TMPRSS15: variants seen among roughly 807,000 people sequenced by gnomAD.
TMPRSS15 encodes the protein transmembrane serine protease 15.
In TMPRSS15, 128 loss-of-function variants were observed where a neutral mutation model predicts 125.3. The ratio of observed to expected loss-of-function variants is 1.02; its 90% CI spans 0.89 to 1.18. The LOEUF (loss-of-function observed/expected upper bound fraction) is 1.18. TMPRSS15 is among the 50% of genes most tolerant of loss of function. The probability of loss-of-function intolerance (pLI) is 0.00; values close to 1 mark genes in which losing one functional copy is unlikely to be tolerated. For synonymous variants in TMPRSS15, 446 were observed against 423.2 expected, an observed-to-expected ratio of 1.05 and a Z score of -0.66; for missense variants, 1,283 against 1,212.7, an observed-to-expected ratio of 1.06 and a Z score of -0.86.
intron 18 of TMPRSS15, among the ~76,000 whole-genome samples, chr21:18,307,179 A>T (rs2075047034): frequency 6.6e-6 from 1 of 152,198 alleles, no homozygotes; most frequent in African/African-American, 2.4e-5. Flanking sequence ...CACTATGGAG[A>T]CTATTTAATA....
At chr21:18,360,585 G>A (rs1251656984) in intron 7 of TMPRSS15, among the ~76,000 whole-genome samples, 1 of 152,042 alleles carries the variant, frequency 6.6e-6, no homozygotes, top group Non-Finnish European at 1.5e-5. Context: ...GCACCCTCGT[G>A]GAAGATCATT....
chr21:18,455,239 A>G, intron 1 of TMPRSS15, among the ~76,000 whole-genome samples: 1 of 152,106 alleles, frequency 6.6e-6, no homozygotes, highest in Non-Finnish European at 1.5e-5. Flanking sequence ...TTTATAAACT[A>G]CCCTGTCTTG....
intron 6 of TMPRSS15, among the ~76,000 whole-genome samples, chr21:18,371,213 T>C (rs562090762): frequency 7.5e-4 from 114 of 152,252 alleles, no homozygotes; most frequent in Non-Finnish European, 1.3e-3. Context: ...ACTAATAAAA[T>C]AGAACAATTA....
At chr21:18,404,490 T>C (rs2076131996), upstream of TMPRSS15, among the ~76,000 whole-genome samples, 1 of 152,206 alleles carries the variant, frequency 6.6e-6, no homozygotes, top group African/African-American at 2.4e-5. Flanking sequence ...TAATCATAGT[T>C]ATAGTTGTAG....
chr21:18,465,829 A>T lies in TMPRSS15; in HGVS notation c.10+19970T>A, dbSNP rs149473029. Among the ~76,000 whole-genome samples the T allele has an allele frequency of 3.6e-4, 55 of 152,358 alleles. No individual in the cohort carries two copies. In the East Asian group the frequency reaches 8.7e-3, roughly 24 times the overall value. ...AAGAATCAATATGGTGAAAATGGCCATACTGCCCAAAGTAATTTATACATG... is the reference window on the plus strand; with the variant it reads ...AAGAATCAATATGGTGAAAATGGCCTTACTGCCCAAAGTAATTTATACATG... On this transcript the variant is annotated intron_variant, in intron 1 of 7. Transcript: ENST00000422787.
intron 8 of TMPRSS15, among the ~76,000 whole-genome samples, chr21:18,357,090 C>T (rs527703008): frequency 1.3e-5 from 2 of 151,872 alleles, no homozygotes; most frequent in East Asian, 1.9e-4. Context: ...TGTTGTCTTT[C>T]TTTGAAGATG....
intron 1 of TMPRSS15, among the ~76,000 whole-genome samples, chr21:18,424,161 A>G (rs976781361): frequency 4.6e-5 from 7 of 152,230 alleles, no homozygotes; most frequent in Non-Finnish European, 7.3e-5. Flanking sequence ...TCATAGTGTT[A>G]TCTGAGGTCC....
At chr21:18,416,316 C>T (rs932525653) in intron 1 of TMPRSS15, among the ~76,000 whole-genome samples, 1 of 151,972 alleles carries the variant, frequency 6.6e-6, no homozygotes, top group South Asian at 2.1e-4. Flanking sequence ...TTTGGAACCA[C>T]AAAAGACCCA....
At position 18,285,114 on chromosome 21, in the gene TMPRSS15, G is replaced by A. The variant is rs139733139; in HGVS notation, c.2487-3893C>T. 2.4e-4 allele frequency among the ~76,000 whole-genome samples: 37 copies of A among 152,296 alleles called. No homozygotes were observed. The East Asian group carries it at 2.9e-3, about 12-fold the overall frequency. On this transcript the variant is annotated intron_variant, in intron 21 of 24. Coordinates refer to ENST00000284885, the MANE Select transcript of TMPRSS15 (RefSeq NM_002772.3). ...AGCAAGAGAAAGAGAAGCACAGCAG[G>A]TTGGAGAGGGCAGAAAAACATACAC...
chr21:18,477,808 T>C (rs866766458), intron 1 of TMPRSS15: 14 of 152,084 alleles, frequency 9.2e-5, no homozygotes, highest in South Asian at 4.1e-4. Flanking sequence ...TAATCACCCT[T>C]ACTGTAGCAA....
intron 1 of TMPRSS15, among the ~76,000 whole-genome samples, chr21:18,480,610 G>A (rs562060254): frequency 6.6e-6 from 1 of 151,934 alleles, no homozygotes; most frequent in Admixed American, 6.6e-5. Flanking sequence ...GGGTGCTCAA[G>A]ATGATGCAGA....
chr21:18,391,063 C>T (rs1024066790), intron 3 of TMPRSS15, among the ~76,000 whole-genome samples: 1 of 152,144 alleles, frequency 6.6e-6, no homozygotes, highest in Non-Finnish European at 1.5e-5. Flanking sequence ...ACCCAATCAC[C>T]TCACACCAGG....
At chr21:18,419,447 G>C (rs62215002) in intron 1 of TMPRSS15, among the ~76,000 whole-genome samples, 2 of 151,882 alleles carry the variant, frequency 1.3e-5, no homozygotes, top group Non-Finnish European at 2.9e-5. Flanking sequence ...GGATGGTCTC[G>C]ATCTCCTGAC....
At chr21:18,391,615 T>A (rs2075991138) in intron 3 of TMPRSS15, among the ~76,000 whole-genome samples, 1 of 152,156 alleles carries the variant, frequency 6.6e-6, no homozygotes, top group Non-Finnish European at 1.5e-5. Flanking sequence ...ACAGCTGGCA[T>A]TGAGTGTCTG....
At chr21:18,455,317 G>A (rs1978417782) in intron 1 of TMPRSS15, among the ~76,000 whole-genome samples, 2 of 152,094 alleles carry the variant, frequency 1.3e-5, no homozygotes, top group Admixed American at 6.6e-5. Context: ...TTTCTTAGGG[G>A]CATAGGAGAT....
chr21:18,378,825 A>T (rs1297141634), intron 5 of TMPRSS15, among the ~76,000 whole-genome samples: 1 of 152,026 alleles, frequency 6.6e-6, no homozygotes, highest in Non-Finnish European at 1.5e-5. Context: ...GTAGATACTT[A>T]AAAAAAATTC....
At chr21:18,415,857 T>G (rs2076178730) in intron 1 of TMPRSS15, among the ~76,000 whole-genome samples, 1 of 152,114 alleles carries the variant, frequency 6.6e-6, no homozygotes, top group African/African-American at 2.4e-5. Context: ...CAGAATAAAA[T>G]GTTCTCTGTT....
chr21:18,423,696 C>G (rs2076197083), intron 1 of TMPRSS15, among the ~76,000 whole-genome samples: 1 of 149,882 alleles, frequency 6.7e-6, no homozygotes, highest in South Asian at 2.1e-4. Context: ...GATGACAGGC[C>G]TGAGCCACCG....
intron 9 of TMPRSS15, 67 bp from the exon 10 acceptor site, chr21:18,353,119 G>A (rs2075587991): frequency 1.4e-6 from 2 of 1,389,428 alleles, no homozygotes; most frequent in East Asian, 2.3e-5. Context: ...ATATTAGATT[G>A]TATTGAAAAT....
Sources: allele counts gnomAD v4.1 joint callset (sites outside exome capture counted in the v4.1 genomes callset), GRCh38; gene constraint gnomAD v4.1.1; transcripts MANE v1.5; gene names NCBI Gene and HGNC (gene_info 2026-07-23, HGNC 2026-07-21).